The following CENPW variants were observed in gnomAD, a reference collection of about 807,000 sequenced individuals.
CENPW encodes the protein cancer-up-regulated gene 2 protein.
CENPW carries 3 observed loss-of-function variants against 11.1 expected under a neutral mutation model. The observed-to-expected ratio is 0.27, with a 90% CI of 0.12 to 0.70. The LOEUF is 0.70. CENPW is among the 30% of genes least tolerant of loss of function. CENPW has a pLI of 0.77. For missense variants in CENPW, 100 were observed against 105.6 expected (o/e 0.95, Z 0.23); for synonymous variants, 38 against 42.0 (o/e 0.91, Z 0.37).
chr6:126,471,469 T>C, the CENPW span, among the ~76,000 whole-genome samples: 1 of 152,186 alleles, frequency 6.6e-6, no homozygotes, highest in South Asian at 2.1e-4. Flanking sequence ...AAATACACTA[T>C]GTATCCTGAA....
intron 1 of CENPW, 144 bp from the exon 2 acceptor site, chr6:126,346,061 A>G: frequency 2.1e-6 from 1 of 487,174 alleles, no homozygotes; most frequent in African/African-American, 1.9e-5. Flanking sequence ...ACTGAATTCT[A>G]TGTAATTTTA....
chr6:126,379,351 A>G, the CENPW span, among the ~76,000 whole-genome samples: 1 of 152,194 alleles, frequency 6.6e-6, no homozygotes, highest in Non-Finnish European at 1.5e-5. Context: ...TTTAATATAT[A>G]TAAGGCATTC....
the CENPW span, among the ~76,000 whole-genome samples, chr6:126,371,173 C>T: frequency 1.2e-4 from 18 of 152,148 alleles, no homozygotes; most frequent in Non-Finnish European, 1.3e-4. Context: ...TTCCACTTCT[C>T]AGGGGACATG....
chr6:126,426,064 C>G, the CENPW span, among the ~76,000 whole-genome samples: 5 of 152,164 alleles, frequency 3.3e-5, no homozygotes, highest in African/African-American at 9.6e-5. Context: ...TGACAAAAAT[C>G]CAGTGCCTGG....
chr6:126,424,725 T>A, the CENPW span, among the ~76,000 whole-genome samples: 1 of 152,096 alleles, frequency 6.6e-6, no homozygotes. Context: ...GTTGGATCAT[T>A]TGACTGGATG....
chr6:126,340,862 T>A (rs1780293024), intron 1 of CENPW, among the ~76,000 whole-genome samples: 2 of 152,154 alleles, frequency 1.3e-5, no homozygotes, highest in South Asian at 4.1e-4. Context: ...TCCCTCCCTG[T>A]CTCCTCTTTC....
chr6:126,460,555 C>T, the CENPW span, among the ~76,000 whole-genome samples: 2 of 151,884 alleles, frequency 1.3e-5, no homozygotes, highest in East Asian at 3.9e-4. Context: ...ATGATTCTCC[C>T]TCATCACTTA....
the CENPW span, among the ~76,000 whole-genome samples, chr6:126,470,816 T>C: frequency 6.6e-6 from 1 of 152,220 alleles, no homozygotes; most frequent in African/African-American, 2.4e-5. Context: ...AATGATGGCC[T>C]CACTGAATTT....
chr6:126,436,161 AT>A, the CENPW span, among the ~76,000 whole-genome samples: 2 of 151,652 alleles, frequency 1.3e-5, no homozygotes, highest in Non-Finnish European at 2.9e-5. Flanking sequence ...TATTTTCTAT[AT>A]TTTTCTCCCA....
chr6:126,376,578 G>C, the CENPW span, among the ~76,000 whole-genome samples: 2 of 152,138 alleles, frequency 1.3e-5, no homozygotes, highest in Non-Finnish European at 2.9e-5. Flanking sequence ...GGCCGTGGTT[G>C]ATAACAGCCA....
the CENPW span, among the ~76,000 whole-genome samples, chr6:126,448,131 A>C: frequency 1.3e-5 from 2 of 151,188 alleles, no homozygotes; most frequent in Non-Finnish European, 3.0e-5. Context: ...CCCAGGTGTC[A>C]TCCTTAGACA....
At position 126,340,171 on chromosome 6, in the gene CENPW, G is replaced by C. The variant is rs1562378305; in HGVS notation, c.-103G>C. The C allele has an allele frequency of 9.3e-7, 1 of 1,078,048 alleles. No individual in the cohort carries two copies. Among genetic ancestry groups the C allele is most frequent in the Non-Finnish European group, 1.4e-6 (1 of 724,944 alleles). The allele number at this position is 1,078,048 out of a possible 1,614,324, so 66.8% of individuals were successfully genotyped here. A position where few individuals can be genotyped will look rare whatever the true frequency, so the allele number is the denominator to read the frequency against. Reference sequence around the variant, plus strand: ...CTGAGGTTTTTCTGCCTGAAGAAGCGTCATACGGACCGGATTGTTTTCGCT... The same window carrying C: ...CTGAGGTTTTTCTGCCTGAAGAAGCCTCATACGGACCGGATTGTTTTCGCT... On this transcript the variant is annotated 5_prime_UTR_variant, in exon 1 of 3. Transcript: ENST00000368328.
chr6:126,365,062 C>T, the CENPW span, among the ~76,000 whole-genome samples: 5 of 152,130 alleles, frequency 3.3e-5, no homozygotes, highest in Non-Finnish European at 5.9e-5. Flanking sequence ...GATAATAGTT[C>T]TGGTGAATAT....
intron 1 of CENPW, among the ~76,000 whole-genome samples, chr6:126,340,827 C>G (rs934679516): frequency 6.6e-6 from 1 of 152,166 alleles, no homozygotes; most frequent in Admixed American, 6.5e-5. Flanking sequence ...TGCTCACATG[C>G]CTTTTAAGGG....
chr6:126,405,355 T>C, the CENPW span, among the ~76,000 whole-genome samples: 2 of 152,132 alleles, frequency 1.3e-5, no homozygotes, highest in African/African-American at 4.8e-5. Context: ...TTCTGTCTTA[T>C]TGGCCTATGT....
At chr6:126,482,595 C>A in the CENPW span, among the ~76,000 whole-genome samples, 11 of 151,952 alleles carry the variant, frequency 7.2e-5, no homozygotes, top group East Asian at 2.1e-3. Context: ...GACCCAGAAC[C>A]ACTTATCAAA....
chr6:126,353,780 A>C (rs1488570127), downstream of CENPW, among the ~76,000 whole-genome samples: 1 of 151,226 alleles, frequency 6.6e-6, no homozygotes, highest in East Asian at 1.9e-4. Flanking sequence ...TTCCCATTGA[A>C]TTTTTTCTCT....
the CENPW span, among the ~76,000 whole-genome samples, chr6:126,402,430 A>G: frequency 8.5e-4 from 130 of 152,070 alleles, no homozygotes; most frequent in African/African-American, 2.9e-3. Flanking sequence ...TTGTACAATA[A>G]TCACTACTAT....
chr6:126,353,626 T>G (rs185166790), downstream of CENPW, among the ~76,000 whole-genome samples: 2 of 152,172 alleles, frequency 1.3e-5, no homozygotes, highest in Admixed American at 1.3e-4. Flanking sequence ...GGATGGTGTT[T>G]TTCTTCAGTT....
Sources: gnomAD v4.1 joint callset for allele counts (sites outside exome capture counted in the v4.1 genomes callset) on GRCh38, gnomAD v4.1.1 for gene constraint, MANE v1.5 for transcripts, NCBI Gene and HGNC (gene_info 2026-07-23, HGNC 2026-07-21) for gene names.